The following ETV6 variants were observed in gnomAD, a reference collection of about 807,000 sequenced individuals.
ETV6 encodes ETS variant transcription factor 6, also known as transcription factor ETV6.
A neutral mutation model predicts 51.1 loss-of-function variants in ETV6; 16 were observed. The ratio of observed to expected loss-of-function variants is 0.31; its 90% CI spans 0.21 to 0.48. The LOEUF (loss-of-function observed/expected upper bound fraction) is 0.48, where lower values mean the gene tolerates loss of function less well. ETV6 is among the 20% of genes least tolerant of loss of function. The pLI, the probability that ETV6 is intolerant of heterozygous loss-of-function variation, is 0.99. For synonymous variants in ETV6, 240 were observed against 224.1 expected, an observed-to-expected ratio of 1.07 and a Z score of -0.64; for missense variants, 458 against 594.8, an observed-to-expected ratio of 0.77 and a Z score of 2.39.
intron 2 of ETV6, among the ~76,000 whole-genome samples, chr12:11,794,971 G>A (rs955593667): frequency 1.1e-4 from 16 of 152,138 alleles, no homozygotes; most frequent in African/African-American, 3.1e-4. Flanking sequence ...TGAACTGACC[G>A]TAACAGCCTT....
At chr12:11,878,144 AG>A (rs1947021424) in intron 5 of ETV6, among the ~76,000 whole-genome samples, 1 of 152,192 alleles carries the variant, frequency 6.6e-6, no homozygotes, top group Admixed American at 6.5e-5. Context: ...GAATAAGATG[AG>A]CACTGGGGAG....
intron 2 of ETV6, among the ~76,000 whole-genome samples, chr12:11,777,796 G>C (rs1945352707): frequency 6.7e-6 from 1 of 150,028 alleles, no homozygotes; most frequent in South Asian, 2.1e-4. Flanking sequence ...TGTAATTCTA[G>C]TTCATCCTTT....
At chr12:11,792,118 A>G (rs1377580714) in intron 2 of ETV6, among the ~76,000 whole-genome samples, 1 of 152,246 alleles carries the variant, frequency 6.6e-6, no homozygotes, top group Admixed American at 6.5e-5. Context: ...GTATAAATGT[A>G]TAGAACACCT....
In ETV6 at chr12:11,843,195, T is replaced by A. The variant is rs80079384; in HGVS notation, c.328+3891T>A. On this transcript the variant is annotated intron_variant, in intron 3 of 7. Transcript: ENST00000396373. ...CACAGGAGTATTGCGAATGGGTTTA[T>A]AAGACAACTAAGTTGGAGTTGAGAA... Among the ~76,000 whole-genome samples, 526 of 152,312 alleles carry A rather than the reference T, an allele frequency of 3.5e-3. 2 individuals are homozygous for A. The highest frequency in any genetic ancestry group is 0.012 in the African/African-American group (509 of 41,562).
chr12:11,760,674 T>A (rs1945071350), intron 2 of ETV6, among the ~76,000 whole-genome samples: 1 of 150,754 alleles, frequency 6.6e-6, no homozygotes, highest in East Asian at 2.0e-4. Context: ...ATTACCCATT[T>A]GTTTTCCAGA....
chr12:11,740,107 A>G (rs995024497), intron 1 of ETV6, among the ~76,000 whole-genome samples: 7 of 152,262 alleles, frequency 4.6e-5, no homozygotes, highest in African/African-American at 1.4e-4. Context: ...TCATGGGAAC[A>G]AAAAACTACA....
chr12:11,688,349 C>G (rs1412627402), intron 1 of ETV6, among the ~76,000 whole-genome samples: 1 of 152,196 alleles, frequency 6.6e-6, no homozygotes, highest in Non-Finnish European at 1.5e-5. Flanking sequence ...ATGAACTTAG[C>G]AAGAGGAATG....
chr12:11,703,761 C>T (rs1001712957), intron 1 of ETV6, among the ~76,000 whole-genome samples: 5 of 152,132 alleles, frequency 3.3e-5, no homozygotes, highest in Non-Finnish European at 2.9e-5. Context: ...GGGACTGAGT[C>T]GGGGAGCTTC....
intron 2 of ETV6, among the ~76,000 whole-genome samples, chr12:11,764,606 A>T (rs754561128): frequency 7.2e-5 from 11 of 152,220 alleles, no homozygotes; most frequent in Non-Finnish European, 1.6e-4. Context: ...TAATGCCAAG[A>T]TCTTGCAGAT....
At chr12:11,859,376 C>G (rs895273507) in intron 4 of ETV6, among the ~76,000 whole-genome samples, 1 of 151,720 alleles carries the variant, frequency 6.6e-6, no homozygotes, top group African/African-American at 2.4e-5. Flanking sequence ...CTCCTGACCT[C>G]GTGATCCGCC....
intron 4 of ETV6, among the ~76,000 whole-genome samples, chr12:11,853,944 C>T (rs1206307707): frequency 6.6e-6 from 1 of 152,108 alleles, no homozygotes; most frequent in East Asian, 1.9e-4. Context: ...GTTTTTCCAC[C>T]AACAGTGGAG....
At chr12:11,870,839 C>A (rs2239171) in intron 5 of ETV6, among the ~76,000 whole-genome samples, 87,549 of 151,976 alleles carry the variant, frequency 0.58, 25,888 homozygotes, top group Non-Finnish European at 0.64. Flanking sequence ...AGAATGAAGT[C>A]AGCCCCATTT....
intron 3 of ETV6, 134 bp from the exon 4 acceptor site, chr12:11,853,293 G>A: frequency 1.1e-6 from 1 of 916,902 alleles, no homozygotes; most frequent in South Asian, 1.5e-5. Flanking sequence ...CATGAGCTTG[G>A]TGAGGGTAGG....
intron 1 of ETV6, among the ~76,000 whole-genome samples, chr12:11,700,515 C>T (rs1864959511): frequency 1.3e-5 from 2 of 152,016 alleles, no homozygotes; most frequent in African/African-American, 4.8e-5. Flanking sequence ...CTTCTGAGTC[C>T]CCAAAAACAT....
chr12:11,669,934 G>A (rs1161834576), intron 1 of ETV6, among the ~76,000 whole-genome samples: 1 of 151,228 alleles, frequency 6.6e-6, no homozygotes, highest in Non-Finnish European at 1.5e-5. Flanking sequence ...CTTCTTCCCC[G>A]GCGGCCATTC....
At chr12:11,793,970 T>C in intron 2 of ETV6, among the ~76,000 whole-genome samples, 1 of 152,132 alleles carries the variant, frequency 6.6e-6, no homozygotes, top group East Asian at 1.9e-4. Context: ...CTAGAATAAA[T>C]ACCATGAGAA....
intron 2 of ETV6, among the ~76,000 whole-genome samples, chr12:11,787,792 T>C (rs545773408): frequency 2.4e-4 from 37 of 152,186 alleles, no homozygotes; most frequent in Non-Finnish European, 4.3e-4. Context: ...AAATATTGTG[T>C]AGAATATTAG....
intron 5 of ETV6, among the ~76,000 whole-genome samples, chr12:11,878,987 C>T (rs115833959): frequency 4.5e-4 from 68 of 152,146 alleles, no homozygotes; most frequent in African/African-American, 1.6e-3. Flanking sequence ...GGCCTCTACC[C>T]ACTAGATGCT....
At chr12:11,744,141 G>A (rs1242773290) in intron 1 of ETV6, among the ~76,000 whole-genome samples, 1 of 152,194 alleles carries the variant, frequency 6.6e-6, no homozygotes, top group African/African-American at 2.4e-5. Flanking sequence ...TACATGCCTG[G>A]AAGGTATCTC....
Sources: gnomAD v4.1 joint callset for allele counts (sites outside exome capture counted in the v4.1 genomes callset) on GRCh38, gnomAD v4.1.1 for gene constraint, MANE v1.5 for transcripts, NCBI Gene and HGNC (gene_info 2026-07-23, HGNC 2026-07-21) for gene names.